PLEKHH2: variants seen among roughly 807,000 people sequenced by gnomAD.
PLEKHH2 encodes pleckstrin homology domain-containing family H member 2.
PLEKHH2 carries 129 observed loss-of-function variants against 187.9 expected under a neutral mutation model. The ratio of observed to expected loss-of-function variants is 0.69; its 90% CI spans 0.59 to 0.79. The LOEUF (loss-of-function observed/expected upper bound fraction) is 0.79, where lower values mean the gene tolerates loss of function less well. PLEKHH2 is among the 30% of genes least tolerant of loss of function. PLEKHH2 has a pLI of 0.00. For missense variants in PLEKHH2, 2,076 were observed against 1,751.2 expected, an observed-to-expected ratio of 1.19 and a Z score of -3.31; for synonymous variants, 686 against 605.6, an observed-to-expected ratio of 1.13 and a Z score of -1.95.
chr2:43,673,125 C>T (rs1218168818), intron 2 of PLEKHH2, among the ~76,000 whole-genome samples: 2 of 152,112 alleles, frequency 1.3e-5, no homozygotes, highest in Non-Finnish European at 2.9e-5. Flanking sequence ...AATGGACCCT[C>T]CTGTACACAT....
intron 16 of PLEKHH2, 82 bp downstream of exon 16, chr2:43,720,831 A>G: frequency 1.3e-6 from 2 of 1,497,054 alleles, no homozygotes; most frequent in Non-Finnish European, 1.8e-6. Context: ...CTCTTCTCTT[A>G]CTTTGTAAAA....
intron 3 of PLEKHH2, among the ~76,000 whole-genome samples, chr2:43,687,535 G>C (rs976986082): frequency 6.6e-6 from 1 of 152,160 alleles, no homozygotes; most frequent in Non-Finnish European, 1.5e-5. Context: ...TGGGTCAAAT[G>C]GTACTTCTGT....
chr2:43,644,525 A>G (rs1406279624), intron 1 of PLEKHH2, 146 bp from the exon 2 acceptor site: 3 of 571,258 alleles, frequency 5.3e-6, no homozygotes, highest in Admixed American at 4.2e-5. Context: ...TTGTCTTAGA[A>G]TTTAAAATTT....
intron 2 of PLEKHH2, among the ~76,000 whole-genome samples, chr2:43,654,395 C>A (rs947393386): frequency 6.6e-6 from 1 of 151,724 alleles, no homozygotes; most frequent in African/African-American, 2.4e-5. Context: ...TGAGGTTTCA[C>A]CATGTTGGCC....
chr2:43,758,402 G>A (rs1672298369), intron 26 of PLEKHH2, among the ~76,000 whole-genome samples: 1 of 152,006 alleles, frequency 6.6e-6, no homozygotes, highest in Non-Finnish European at 1.5e-5. Context: ...ACAGGCACCC[G>A]CCATCATGCC....
rs1012623013 is a variant in PLEKHH2 at position 43,765,465 on chromosome 2, A to G, written c.4349A>G (p.Gln1450Arg). Residue 1450 changes from glutamine to arginine, a missense_variant, in exon 30 of 30, where the codon CAA becomes CGA. By Grantham distance (43) the Gln-to-Arg change is conservative. Coordinates refer to ENST00000282406, the MANE Select transcript of PLEKHH2 (RefSeq NM_172069.4). ...IASYINNFHQQKAAFHHLSAP... is the reference protein window; with the variant it reads ...IASYINNFHQRKAAFHHLSAP... ...AGTTACATAAACAACTTCCATCAGC[A>G]AAAGGCAGCATTTCACCACCTCTCT... The G allele has an allele frequency of 6.2e-7, 1 of 1,614,138 alleles. No homozygotes were observed. Among genetic ancestry groups the G allele is most frequent in the Admixed American group, 1.7e-5 (1 of 60,014 alleles).
chr2:43,743,968 T>C lies in PLEKHH2; in HGVS notation c.3534T>C (p.His1178=). ...TDDPSGRDLE[H]CLQGNIKICD... ...ATCCTTCTGGCAGAGATTTAGAGCA[T>C]TGTCTTCAAGGAAACATCAAGGTGA... The change falls in exon 23 of 30, where the codon CAT becomes CAC. Residue 1178 remains histidine, a synonymous_variant. Transcript: ENST00000282406. The C allele has an allele frequency of 1.7e-5, 27 of 1,613,958 alleles. No homozygotes were observed. The highest frequency in any genetic ancestry group is 2.2e-5 in the Non-Finnish European group (26 of 1,179,898).
intron 29 of PLEKHH2, 97 bp from the exon 30 acceptor site, chr2:43,765,316 C>A: frequency 8.5e-7 from 1 of 1,182,390 alleles, no homozygotes; most frequent in Admixed American, 2.2e-5. Context: ...AGCCTGGGCA[C>A]TTGCAAATGG....
intron 2 of PLEKHH2, among the ~76,000 whole-genome samples, chr2:43,671,229 C>A (rs1361322197): frequency 6.6e-6 from 1 of 152,114 alleles, no homozygotes; most frequent in Non-Finnish European, 1.5e-5. Flanking sequence ...TCAGGTTATC[C>A]ACCCACCTCG....
At chr2:43,690,416 G>A (rs1558496272) in intron 3 of PLEKHH2, among the ~76,000 whole-genome samples, 1 of 151,442 alleles carries the variant, frequency 6.6e-6, no homozygotes, top group African/African-American at 2.4e-5. Context: ...AACAGTTTTG[G>A]CATCTGAATT....
chr2:43,714,981 G>C (rs887576492), intron 15 of PLEKHH2, among the ~76,000 whole-genome samples: 4 of 152,094 alleles, frequency 2.6e-5, no homozygotes, highest in African/African-American at 9.7e-5. Context: ...GAGACAGCGC[G>C]AATGAAGGCT....
At position 43,710,262 on chromosome 2, in the gene PLEKHH2, A is replaced by G; in HGVS notation, c.2146A>G (p.Lys716Glu). 2 of 1,614,186 alleles carry G rather than the reference A, an allele frequency of 1.2e-6. No individual in the cohort carries two copies. The highest frequency in any genetic ancestry group is 1.1e-5 in the South Asian group (1 of 91,074). Reference protein sequence around the residue: ...KSGYLLKMSGKVKSWKRRWFV... With the variant: ...KSGYLLKMSGEVKSWKRRWFV... ...TGGTTATTTATTAAAAATGAGTGGTAAAGTCAAGTCTTGGAAGCGGCGGTG... is the reference window on the plus strand; with the variant it reads ...TGGTTATTTATTAAAAATGAGTGGTGAAGTCAAGTCTTGGAAGCGGCGGTG... Residue 716 changes from lysine (K) to glutamate (E), a missense_variant, in exon 13 of 30, where the codon AAA becomes GAA. Transcript: ENST00000282406.
At position 43,700,395 on chromosome 2, in the gene PLEKHH2, A is replaced by G. The variant is rs764233396; in HGVS notation, c.1437A>G (p.Ile479Met). The G allele has an allele frequency of 3.7e-5, 59 of 1,613,954 alleles. No individual in the cohort carries two copies. The East Asian group carries it at 1.3e-3, about 35-fold the overall frequency. ...FGTNRNAISM[I>M]RPLRPQETDL... ...CAAATAGAAACGCTATAAGCATGAT[A>G]CGACCACTGAGACCTCAGGAAACTG... The change falls in exon 8 of 30, where the codon ATA (isoleucine) becomes ATG (methionine). Residue 479 changes from isoleucine (I) to methionine (M), a missense_variant. Transcript: ENST00000282406.
chr2:43,756,702 C>G (rs950091982), intron 25 of PLEKHH2, among the ~76,000 whole-genome samples: 2 of 152,202 alleles, frequency 1.3e-5, no homozygotes, highest in African/African-American at 4.8e-5. Flanking sequence ...AATCCCAACA[C>G]TTTGGTAGGC....
intron 2 of PLEKHH2, among the ~76,000 whole-genome samples, chr2:43,645,504 A>C (rs187349795): frequency 8.5e-4 from 130 of 152,234 alleles, no homozygotes; most frequent in African/African-American, 3.0e-3. Flanking sequence ...TGCAGTAGCC[A>C]CTAGCCACAT....
chr2:43,732,554 T>C (rs146704070), intron 19 of PLEKHH2, among the ~76,000 whole-genome samples: 267 of 152,294 alleles, frequency 1.8e-3, no homozygotes, highest in African/African-American at 6.1e-3. Context: ...ACTTCACCAT[T>C]CCTCACAAGT....
At chr2:43,750,344 C>A (rs1376298062) in intron 24 of PLEKHH2, among the ~76,000 whole-genome samples, 1 of 152,104 alleles carries the variant, frequency 6.6e-6, no homozygotes, top group South Asian at 2.1e-4. Flanking sequence ...TGGTGGCATG[C>A]GCCTGTAGTC....
intron 23 of PLEKHH2, among the ~76,000 whole-genome samples, chr2:43,744,471 T>C (rs931649074): frequency 6.6e-6 from 1 of 152,148 alleles, no homozygotes; most frequent in Admixed American, 6.5e-5. Context: ...TTGAAAGTGA[T>C]GAAAGTTTTG....
chr2:43,672,540 T>C (rs1667542102), intron 2 of PLEKHH2, among the ~76,000 whole-genome samples: 1 of 152,220 alleles, frequency 6.6e-6, no homozygotes, highest in Non-Finnish European at 1.5e-5. Context: ...GACCTCCTAA[T>C]TAGCAGTGGC....
Sources: allele counts gnomAD v4.1 joint callset (sites outside exome capture counted in the v4.1 genomes callset), GRCh38; gene constraint gnomAD v4.1.1; transcripts MANE v1.5; gene names NCBI Gene and HGNC (gene_info 2026-07-23, HGNC 2026-07-21).